Variants in IMMP2L observed in about 807,000 individuals in gnomAD.
IMMP2L encodes inner mitochondrial membrane peptidase subunit 2, also known as mitochondrial inner membrane protease subunit 2.
A neutral mutation model predicts 19.3 loss-of-function variants in IMMP2L; 18 were observed. The ratio of observed to expected loss-of-function variants is 0.93; its 90% CI spans 0.64 to 1.38. IMMP2L has a LOEUF of 1.38. Among genes scored for constraint, IMMP2L ranks in the 40% most tolerant of loss-of-function variants. The pLI, the probability that IMMP2L is intolerant of heterozygous loss-of-function variation, is 0.00. For missense variants in IMMP2L, 233 were observed against 218.2 expected (o/e 1.07, Z -0.43); for synonymous variants, 76 against 73.0 (o/e 1.04, Z -0.21).
intron 3 of IMMP2L, among the ~76,000 whole-genome samples, chr7:111,432,112 G>T (rs1483810113): frequency 1.3e-5 from 2 of 151,688 alleles, no homozygotes; most frequent in African/African-American, 2.4e-5. Flanking sequence ...ATAGGGAAAG[G>T]TGCAGTCTTG....
At chr7:110,699,601 T>C (rs56307333) in intron 5 of IMMP2L, among the ~76,000 whole-genome samples, 2,642 of 152,036 alleles carry the variant, frequency 0.017, 36 homozygotes, top group Middle Eastern at 0.065. Context: ...AGAAACCTCA[T>C]CTCTACTAAA....
At chr7:111,501,524 C>G (rs1318621384) in intron 2 of IMMP2L, among the ~76,000 whole-genome samples, 4 of 152,072 alleles carry the variant, frequency 2.6e-5, no homozygotes, top group East Asian at 1.9e-4. Flanking sequence ...ATAACTGTCA[C>G]ATTCACCAAA....
chr7:111,472,262 C>T (rs1263861544), intron 3 of IMMP2L, among the ~76,000 whole-genome samples: 4 of 151,986 alleles, frequency 2.6e-5, no homozygotes, highest in South Asian at 2.1e-4. Flanking sequence ...TTCAAGTACA[C>T]ATCTCTTTAA....
At chr7:111,096,251 A>T (rs1797385099) in intron 3 of IMMP2L, among the ~76,000 whole-genome samples, 1 of 151,840 alleles carries the variant, frequency 6.6e-6, no homozygotes, top group Non-Finnish European at 1.5e-5. Context: ...GAGGTTAGAG[A>T]CTTGCTAGCA....
At chr7:111,083,824 A>C (rs952041134) in intron 3 of IMMP2L, among the ~76,000 whole-genome samples, 1 of 152,228 alleles carries the variant, frequency 6.6e-6, no homozygotes, top group Non-Finnish European at 1.5e-5. Context: ...TAATTTCTGC[A>C]TGTGTACAGC....
At chr7:111,299,021 C>T (rs114389972) in intron 3 of IMMP2L, among the ~76,000 whole-genome samples, 3,506 of 152,146 alleles carry the variant, frequency 0.023, 138 homozygotes, top group African/African-American at 0.08. Context: ...AAAGGCACAA[C>T]TATCAGGACT....
chr7:111,159,097 G>T (rs934092795), intron 3 of IMMP2L, among the ~76,000 whole-genome samples: 1 of 151,990 alleles, frequency 6.6e-6, no homozygotes, highest in Non-Finnish European at 1.5e-5. Context: ...GGTATTTTCG[G>T]TTCAAGTTGA....
intron 1 of IMMP2L, among the ~76,000 whole-genome samples, chr7:111,556,670 T>G (rs1432794874): frequency 6.6e-6 from 1 of 152,170 alleles, no homozygotes; most frequent in East Asian, 1.9e-4. Flanking sequence ...CTTCAGCATC[T>G]TTACATCTTT....
intron 3 of IMMP2L, among the ~76,000 whole-genome samples, chr7:111,163,441 G>C (rs762740036): frequency 7.9e-5 from 12 of 152,026 alleles, no homozygotes; most frequent in Non-Finnish European, 1.8e-4. Context: ...TCTCTCCTCA[G>C]TGCTTTAACT....
At chr7:111,239,821 A>G in intron 3 of IMMP2L, among the ~76,000 whole-genome samples, 1 of 151,968 alleles carries the variant, frequency 6.6e-6, no homozygotes, top group East Asian at 1.9e-4. Flanking sequence ...AATCTGCCCA[A>G]TGAGCAAGCC....
chr7:111,075,740 C>T (rs530151202), intron 3 of IMMP2L, among the ~76,000 whole-genome samples: 16 of 152,192 alleles, frequency 1.1e-4, no homozygotes, highest in African/African-American at 2.4e-4. Context: ...TTTTTCCCCA[C>T]GTTGTCACAT....
At chr7:110,843,319 C>G (rs946959843) in intron 5 of IMMP2L, among the ~76,000 whole-genome samples, 2 of 152,000 alleles carry the variant, frequency 1.3e-5, no homozygotes, top group Non-Finnish European at 2.9e-5. Flanking sequence ...CCAAATACTC[C>G]AATTTATTAC....
At chr7:111,280,303 G>A (rs1009903863) in intron 3 of IMMP2L, among the ~76,000 whole-genome samples, 11 of 152,054 alleles carry the variant, frequency 7.2e-5, no homozygotes, top group African/African-American at 2.4e-4. Flanking sequence ...GTTCCTGCAT[G>A]GCTCATTCAC....
At chr7:111,098,529 T>A (rs997013076) in intron 3 of IMMP2L, among the ~76,000 whole-genome samples, 4 of 151,800 alleles carry the variant, frequency 2.6e-5, no homozygotes, top group African/African-American at 4.8e-5. Context: ...AGAGCCCTTA[T>A]ACGTTCAAAC....
intron 5 of IMMP2L, among the ~76,000 whole-genome samples, chr7:110,785,958 A>G (rs1056194282): frequency 2.6e-5 from 4 of 151,868 alleles, no homozygotes; most frequent in Non-Finnish European, 4.4e-5. Flanking sequence ...GGCTATCTTA[A>G]GGATCTTTCG....
At chr7:111,049,181 A>T (rs1416177397) in intron 3 of IMMP2L, among the ~76,000 whole-genome samples, 1 of 116,142 alleles carries the variant, frequency 8.6e-6, no homozygotes, top group Non-Finnish European at 1.6e-5. Flanking sequence ...CCCAGGCTGG[A>T]GTGCAGTGGC....
intron 5 of IMMP2L, among the ~76,000 whole-genome samples, chr7:110,678,552 T>C (rs1792486605): frequency 6.6e-6 from 1 of 151,972 alleles, no homozygotes. Flanking sequence ...CAGAAGGTAA[T>C]GGACATGATC....
At chr7:111,373,729 T>C (rs952435226) in intron 3 of IMMP2L, among the ~76,000 whole-genome samples, 17 of 152,128 alleles carry the variant, frequency 1.1e-4, no homozygotes, top group African/African-American at 3.9e-4. Flanking sequence ...AATAGTAAGA[T>C]TATACTCTAC....
intron 3 of IMMP2L, among the ~76,000 whole-genome samples, chr7:111,187,645 G>A (rs558597743): frequency 1.3e-5 from 2 of 152,214 alleles, no homozygotes; most frequent in South Asian, 4.1e-4. Flanking sequence ...TACATTTCAA[G>A]TAATAATAAT....
Sources: gnomAD v4.1 joint callset for allele counts (sites outside exome capture counted in the v4.1 genomes callset) on GRCh38, gnomAD v4.1.1 for gene constraint, MANE v1.5 for transcripts, NCBI Gene and HGNC (gene_info 2026-07-23, HGNC 2026-07-21) for gene names.